ADGRD1: variants seen among roughly 807,000 people sequenced by gnomAD.
ADGRD1 encodes the protein adhesion G protein-coupled receptor D1, also known as G-protein coupled receptor 133.
A neutral mutation model predicts 113.4 loss-of-function variants in ADGRD1; 77 were observed. The observed-to-expected ratio is 0.68, with a 90% CI of 0.57 to 0.82. The LOEUF (loss-of-function observed/expected upper bound fraction) is 0.82, where lower values mean the gene tolerates loss of function less well. Among genes scored for constraint, ADGRD1 ranks in the 40% least tolerant of loss-of-function variants. The pLI is 0.00. For synonymous variants in ADGRD1, 474 were observed against 475.0 expected (o/e 1.00, Z 0.03); for missense variants, 1,036 against 1,139.1 (o/e 0.91, Z 1.30).
At position 131,041,649 on chromosome 12, in the gene ADGRD1, G is replaced by T. The variant is rs932735630; in HGVS notation, c.1473+27309G>T. Among the ~76,000 whole-genome samples the T allele has an allele frequency of 5.9e-5, 9 of 152,304 alleles. No individual in the cohort carries two copies. The highest frequency in any genetic ancestry group is 1.9e-4 in the African/African-American group (8 of 41,570). ...AATGAGGCTCTGCAGAGACCCAGGG[G>T]CTTGGCCATCCACTCAGGGACACCA... On this transcript the variant is annotated intron_variant, in intron 13 of 24. Transcript: ENST00000261654. This position sits in a 1 kb window ranked among gnomAD's most constrained non-coding sequence, Gnocchi z 4.4.
chr12:130,988,183 A>AAAACGAGAAAAGGTGTGT (rs200737332), intron 6 of ADGRD1: 1 of 152,128 alleles, frequency 6.6e-6, no homozygotes, highest in Admixed American at 6.5e-5. Flanking sequence ...TGTTGATAAT[A>AAAACGAGAAAAGGTGTGT]AAGGCCATTA....
At chr12:130,977,288 G>C (rs1404305396) in intron 4 of ADGRD1, 1 of 152,282 alleles carries the variant, frequency 6.6e-6, no homozygotes, top group Non-Finnish European at 1.5e-5. Context: ...GCAGGGAAAG[G>C]GGAAAGGGAA....
chr12:130,985,740 C>T (rs372052335), intron 5 of ADGRD1, among the ~76,000 whole-genome samples: 2 of 152,058 alleles, frequency 1.3e-5, no homozygotes, highest in Admixed American at 6.6e-5. Flanking sequence ...TTTGTGGAGA[C>T]GGGGTTTTGC....
rs918033401 is a variant in ADGRD1, at chr12:131,092,239, C to T, written c.1671+7576C>T. The stretch of plus-strand genomic sequence containing the variant: ...CCAGGGACCGAGAGGAGGGCTCAGG[C>T]GTGCACTACTCAGCGTTTCTTGCTG... On this transcript the variant is annotated intron_variant, in intron 15 of 24. Coordinates refer to ENST00000261654, the MANE Select transcript of ADGRD1 (RefSeq NM_198827.5). 39 of 152,450 alleles carry T rather than the reference C, an allele frequency of 2.6e-4. 1 individual carries two copies. Among genetic ancestry groups the T allele is most frequent in the African/African-American group, 5.8e-4 (24 of 41,438 alleles). 9.4% of individuals were successfully genotyped at this position (152,450 alleles called of 1,614,324 possible).
rs148442158 is a variant in ADGRD1, at chr12:131,139,258, G to C, written c.2620G>C (p.Val874Leu). ...HSAHRVDLSA[V>L] ...TGCCCACCGCGTCGACCTGTCAGCC[G>C]TGTGAGCCGGGAGGCTGCCAACCAG... Residue 874 changes from valine (V) to leucine (L), a missense_variant, in exon 25 of 25, where the codon GTG (valine) becomes CTG (leucine). By Grantham distance (32) the Val-to-Leu change is conservative. Coordinates refer to ENST00000261654, the MANE Select transcript of ADGRD1 (RefSeq NM_198827.5). 2.5e-6 allele frequency: 4 copies of C among 1,610,476 alleles called. No individual in the cohort carries two copies. The highest frequency in any genetic ancestry group is 2.5e-6 in the Non-Finnish European group (3 of 1,178,328).
intron 22 of ADGRD1, 100 bp from the exon 23 acceptor site, chr12:131,136,873 C>A (rs796175276): frequency 2.1e-6 from 2 of 936,724 alleles, no homozygotes. Flanking sequence ...TCACAGTGTG[C>A]GGTGCCAGTG....
At position 131,003,181 on chromosome 12, in the gene ADGRD1, G is replaced by A. The variant is rs200670259; in HGVS notation, c.1027-4G>A. On this transcript the variant is annotated splice_region_variant and splice_polypyrimidine_tract_variant and intron_variant, in intron 9 of 24. Transcript: ENST00000261654. This position sits in a 1 kb window ranked among gnomAD's most constrained non-coding sequence, Gnocchi z 4.8. Reference sequence around the variant, plus strand: ...CATGGCTCCTGGTGCTTGTGTTGCTGCAGGACAGCGCCGTGGTACTGAGTC... The same window carrying A: ...CATGGCTCCTGGTGCTTGTGTTGCTACAGGACAGCGCCGTGGTACTGAGTC... 834 of 1,609,410 alleles carry A rather than the reference G, an allele frequency of 5.2e-4. 1 individual carries two copies. Among genetic ancestry groups the A allele is most frequent in the Admixed American group, 1.2e-3 (72 of 60,018 alleles).
chr12:130,981,755 C>A, intron 4 of ADGRD1, 129 bp from the exon 5 acceptor site: 1 of 653,862 alleles, frequency 1.5e-6, no homozygotes, highest in Non-Finnish European at 2.7e-6. Context: ...CTGAACTGAA[C>A]ATACACTGCC....
chr12:131,006,125 C>T (rs1877083278), intron 12 of ADGRD1, 78 bp downstream of exon 12: 4 of 1,173,138 alleles, frequency 3.4e-6, no homozygotes, highest in East Asian at 4.7e-5. Context: ...GGATGCCCGC[C>T]CCACACGCAC....
intron 4 of ADGRD1, among the ~76,000 whole-genome samples, chr12:130,975,743 T>C (rs1169662697): frequency 6.6e-6 from 1 of 152,230 alleles, no homozygotes; most frequent in Admixed American, 6.5e-5. Flanking sequence ...ATATAACAAG[T>C]AAAAACACAG....
intron 13 of ADGRD1, among the ~76,000 whole-genome samples, chr12:131,068,202 G>T (rs191292184): frequency 6.6e-6 from 1 of 152,194 alleles, no homozygotes; most frequent in African/African-American, 2.4e-5. Flanking sequence ...GTCTGGGGCC[G>T]AGTGGGGCTG....
At chr12:131,135,546 C>T (rs552385839) in intron 21 of ADGRD1, among the ~76,000 whole-genome samples, 3 of 152,292 alleles carry the variant, frequency 2.0e-5, no homozygotes, top group South Asian at 4.1e-4. Context: ...GGGGGACACG[C>T]GGGCTGCAGC....
At chr12:131,103,760 G>T (rs1950155041) in intron 15 of ADGRD1, among the ~76,000 whole-genome samples, 1 of 152,224 alleles carries the variant, frequency 6.6e-6, no homozygotes, top group African/African-American at 2.4e-5. Flanking sequence ...TCGGAGGACG[G>T]GGGGACGTGG....
rs11061289 is a variant in ADGRD1, at chr12:131,029,836, A to G, written c.1473+15496A>G. On this transcript the variant is annotated intron_variant, in intron 13 of 24. Transcript: ENST00000261654. ...AACGGTGACATTCCCAGGCTCTGGGATTAGGTTGCGGACCCCTCGTTCGGT... is the reference window on the plus strand; with the variant it reads ...AACGGTGACATTCCCAGGCTCTGGGGTTAGGTTGCGGACCCCTCGTTCGGT... Among the ~76,000 whole-genome samples, 88 of 41,832 alleles carry G rather than the reference A, an allele frequency of 2.1e-3. 7 individuals are homozygous for G. The highest frequency in any genetic ancestry group is 7.2e-3 in the African/African-American group (67 of 9,310). 27.4% of individuals were successfully genotyped at this position (41,832 alleles called of 152,430 possible).
intron 15 of ADGRD1, among the ~76,000 whole-genome samples, chr12:131,089,555 T>C (rs547111999): frequency 6.6e-6 from 1 of 152,126 alleles, no homozygotes; most frequent in Non-Finnish European, 1.5e-5. Context: ...CTGCAAGTGC[T>C]CCCTGCCAGT....
intron 14 of ADGRD1, among the ~76,000 whole-genome samples, chr12:131,078,822 T>C (rs927411601): frequency 1.3e-5 from 2 of 152,358 alleles, no homozygotes; most frequent in Non-Finnish European, 2.9e-5. Flanking sequence ...AGTATCTGTA[T>C]CCTTCCTGTC....
Position 131,110,725 on chromosome 12 carries a change from T to C in ADGRD1, c.2041+1848T>C, listed in dbSNP as rs536855676. Among the ~76,000 whole-genome samples, 9 of 152,368 alleles carry C rather than the reference T, an allele frequency of 5.9e-5. No individual in the cohort carries two copies. The East Asian group carries it at 1.7e-3, about 29-fold the overall frequency. ...TGGTGTTGCTTGCTATGTGTATGTA[T>C]GTTTCTGTGTGTGTTAAGATTACTT... is the stretch of plus-strand genomic sequence containing the variant. On this transcript the variant is annotated intron_variant, in intron 18 of 24. Coordinates refer to ENST00000261654, the MANE Select transcript of ADGRD1 (RefSeq NM_198827.5).
rs531702466 is a variant in ADGRD1, at chr12:131,096,876, C to T, written c.1672-7955C>T. On this transcript the variant is annotated intron_variant, in intron 15 of 24. Transcript: ENST00000261654. This position sits in a 1 kb window ranked among gnomAD's most constrained non-coding sequence, Gnocchi z 5.2. ...TGCCTCCTGCTGCCCGGCTCTGCCT[C>T]CCACGGCCGACCACTGTGCTGAGTT... 3.1e-4 allele frequency among the ~76,000 whole-genome samples: 47 copies of T among 152,304 alleles called. No homozygotes were observed. The highest frequency in any genetic ancestry group is 7.7e-4 in the East Asian group (4 of 5,170).
At chr12:131,004,392 G>GCTGCGGTGCGCCCCCGGGCCGC in intron 11 of ADGRD1, 96 bp downstream of exon 11, 2 of 790,718 alleles carry the variant, frequency 2.5e-6, no homozygotes, top group Non-Finnish European at 4.2e-6. Flanking sequence ...GCGCCAGGGA[G>GCTGCGGTGCGCCCCCGGGCCGC]CTGCGGTGCT....
Sources: gnomAD v4.1 joint callset for allele counts (sites outside exome capture counted in the v4.1 genomes callset) on GRCh38, gnomAD v4.1.1 for gene constraint, Gnocchi (gnomAD v3.1) non-coding constraint, MANE v1.5 for transcripts, NCBI Gene and HGNC (gene_info 2026-07-23, HGNC 2026-07-21) for gene names.